CNTFR: variants seen among roughly 807,000 people sequenced by gnomAD.
The protein encoded by CNTFR is ciliary neurotrophic factor receptor subunit alpha.
CNTFR carries 12 observed loss-of-function variants against 40.4 expected under a neutral mutation model. The ratio of observed to expected loss-of-function variants is 0.30; its 90% CI spans 0.19 to 0.48. The LOEUF (loss-of-function observed/expected upper bound fraction) is 0.48. CNTFR is among the 20% of genes least tolerant of loss of function. The pLI, the probability that CNTFR is intolerant of heterozygous loss-of-function variation, is 0.99. For synonymous variants in CNTFR, 202 were observed against 209.6 expected (o/e 0.96, Z 0.31); for missense variants, 414 against 506.8 (o/e 0.82, Z 1.76).
intron 2 of CNTFR, chr9:34,569,683 G>C (rs1214499309): frequency 6.6e-6 from 1 of 152,248 alleles, no homozygotes; most frequent in Non-Finnish European, 1.5e-5. Flanking sequence ...ACATGACCCA[G>C]GTCAGATGTG....
At chr9:34,556,746 G>T (rs1218727327) in intron 6 of CNTFR, among the ~76,000 whole-genome samples, 1 of 151,980 alleles carries the variant, frequency 6.6e-6, no homozygotes, top group Non-Finnish European at 1.5e-5. Context: ...AAGACAATAT[G>T]ATGCCTCCAT....
intron 2 of CNTFR, among the ~76,000 whole-genome samples, chr9:34,575,213 C>T (rs779123089): frequency 1.1e-4 from 17 of 152,174 alleles, no homozygotes; most frequent in Non-Finnish European, 2.2e-4. Flanking sequence ...AATCCCCCAG[C>T]CCCCAACCCC....
At chr9:34,576,134 C>T (rs1826950135) in intron 2 of CNTFR, among the ~76,000 whole-genome samples, 2 of 152,242 alleles carry the variant, frequency 1.3e-5, no homozygotes, top group Admixed American at 1.3e-4. Context: ...CTCAGACACA[C>T]AGGGCCAGAG....
intron 1 of CNTFR, among the ~76,000 whole-genome samples, chr9:34,587,328 A>G (rs1827587463): frequency 6.6e-6 from 1 of 152,134 alleles, no homozygotes. Context: ...TTTAAGTCTG[A>G]GTGTGAGTCC....
chr9:34,559,101 C>T (rs1308047267), intron 4 of CNTFR, among the ~76,000 whole-genome samples: 1 of 152,150 alleles, frequency 6.6e-6, no homozygotes, highest in Non-Finnish European at 1.5e-5. Flanking sequence ...CCCTCCCCCG[C>T]CCCCGGCCTG....
chr9:34,553,423 T>G (rs1825714567), intron 7 of CNTFR, among the ~76,000 whole-genome samples: 1 of 152,038 alleles, frequency 6.6e-6, no homozygotes, highest in South Asian at 2.1e-4. Context: ...TTCATGAGAG[T>G]ATCCACCTCT....
intron 3 of CNTFR, among the ~76,000 whole-genome samples, chr9:34,566,258 C>T (rs911533423): frequency 1.6e-4 from 24 of 152,228 alleles, no homozygotes; most frequent in African/African-American, 5.8e-4. Flanking sequence ...TCTGTGACTC[C>T]GGGTCTCTCT....
chr9:34,564,042 C>T (rs888048877), intron 4 of CNTFR, among the ~76,000 whole-genome samples: 2 of 152,198 alleles, frequency 1.3e-5, no homozygotes. Context: ...GGCCTACGGT[C>T]ACACCCAGCT....
At chr9:34,559,176 G>A (rs974456152) in intron 4 of CNTFR, among the ~76,000 whole-genome samples, 2 of 152,190 alleles carry the variant, frequency 1.3e-5, no homozygotes, top group Non-Finnish European at 2.9e-5. Flanking sequence ...GGGAGTGCAT[G>A]TCTATGCTTG....
chr9:34,575,770 G>T (rs1826927369), intron 2 of CNTFR, among the ~76,000 whole-genome samples: 1 of 150,332 alleles, frequency 6.7e-6, no homozygotes, highest in African/African-American at 2.5e-5. Context: ...GAAGATGGTC[G>T]TTCTGACAGA....
intron 7 of CNTFR, among the ~76,000 whole-genome samples, chr9:34,555,304 A>AGGCC (rs1825790724): frequency 6.6e-6 from 1 of 152,122 alleles, no homozygotes; most frequent in Admixed American, 6.5e-5. Flanking sequence ...CACACTTTAA[A>AGGCC]GGCCGGACTG....
intron 3 of CNTFR, among the ~76,000 whole-genome samples, chr9:34,565,866 A>G (rs1826263131): frequency 6.6e-6 from 1 of 151,398 alleles, no homozygotes; most frequent in Admixed American, 6.6e-5. Flanking sequence ...TGAGCCTGAG[A>G]GACAGACACT....
intron 4 of CNTFR, among the ~76,000 whole-genome samples, chr9:34,558,978 G>A (rs1432285087): frequency 3.3e-5 from 5 of 152,232 alleles, no homozygotes; most frequent in Non-Finnish European, 7.3e-5. Context: ...TGGGTAAGGC[G>A]TGAGGACAGG....
At chr9:34,578,064 C>G (rs952832892) in intron 2 of CNTFR, among the ~76,000 whole-genome samples, 167 of 151,804 alleles carry the variant, frequency 1.1e-3, no homozygotes, top group African/African-American at 3.9e-3. Flanking sequence ...TCCGTGGGTC[C>G]GCCTGCCCGC....
At chr9:34,560,311 C>A (rs2132143129) in intron 4 of CNTFR, among the ~76,000 whole-genome samples, 1 of 150,338 alleles carries the variant, frequency 6.7e-6, no homozygotes, top group South Asian at 2.1e-4. Flanking sequence ...CTGTGAGGCT[C>A]CATGTGTGTG....
intron 2 of CNTFR, among the ~76,000 whole-genome samples, chr9:34,579,776 C>T (rs899615290): frequency 7.2e-5 from 11 of 152,088 alleles, no homozygotes; most frequent in African/African-American, 2.7e-4. Flanking sequence ...TTCCAAAAAC[C>T]GTTTTTCATC....
intron 1 of CNTFR, among the ~76,000 whole-genome samples, chr9:34,583,829 C>T (rs897277932): frequency 6.6e-6 from 1 of 152,148 alleles, no homozygotes; most frequent in Non-Finnish European, 1.5e-5. Context: ...CCCCCCATCC[C>T]GCAATTTCAC....
rs1207573514 is a variant in CNTFR at position 34,557,291 on chromosome 9, A to G, written c.604+235T>C. 6.6e-6 allele frequency among the ~76,000 whole-genome samples: 1 copy of G among 152,116 alleles called. No homozygotes were observed. Among genetic ancestry groups the G allele is most frequent in the East Asian group, 1.9e-4 (1 of 5,194 alleles). ...GTTCTGGGAGCCAGAAAAATGATCG[A>G]AAGAGCTGCTGGACAGGTCTCTCGG... is the stretch of plus-strand genomic sequence containing the variant. On this transcript the variant is annotated intron_variant, in intron 6 of 9. Transcript: ENST00000378980. The surrounding 1 kb of genome is among the most constrained non-coding windows in gnomAD (Gnocchi z 4.2).
chr9:34,557,146 G>T lies in CNTFR; in HGVS notation c.604+380C>A, dbSNP rs1324315270. Among the ~76,000 whole-genome samples the T allele has an allele frequency of 1.4e-5, 2 of 142,456 alleles. No individual in the cohort carries two copies. The highest frequency in any genetic ancestry group is 5.1e-5 in the African/African-American group (2 of 39,338). 93.5% of individuals were successfully genotyped at this position (142,456 alleles called of 152,430 possible). A position where few individuals can be genotyped will look rare whatever the true frequency, so the allele number is the denominator to read the frequency against. ...AGTATCTGTCCCAGTCCTGTCTCCT[G>T]TTCTGACACCTCATTCATCACAGTC... On this transcript the variant is annotated intron_variant, in intron 6 of 9. Coordinates refer to ENST00000378980, the MANE Select transcript of CNTFR (RefSeq NM_147164.3). The surrounding 1 kb of genome is among the most constrained non-coding windows in gnomAD (Gnocchi z 4.2).
Sources: gnomAD v4.1 joint callset for allele counts (sites outside exome capture counted in the v4.1 genomes callset) on GRCh38, gnomAD v4.1.1 for gene constraint, Gnocchi (gnomAD v3.1) non-coding constraint, MANE v1.5 for transcripts, NCBI Gene and HGNC (gene_info 2026-07-23, HGNC 2026-07-21) for gene names.